The following CHCHD6 variants were observed in gnomAD, a reference collection of about 807,000 sequenced individuals.
CHCHD6 encodes the protein MICOS complex subunit MIC25.
A neutral mutation model predicts 32.3 loss-of-function variants in CHCHD6; 28 were observed. That is an observed-to-expected ratio of 0.87 (90% confidence interval 0.64 to 1.19). The LOEUF (loss-of-function observed/expected upper bound fraction) is 1.19, where lower values mean the gene tolerates loss of function less well. CHCHD6 is among the 50% of genes most tolerant of loss of function. The pLI is 0.00. For synonymous variants in CHCHD6, 122 were observed against 117.5 expected, an observed-to-expected ratio of 1.04 and a Z score of -0.25; for missense variants, 333 against 307.0, an observed-to-expected ratio of 1.08 and a Z score of -0.63.
chr3:126,956,216 G>T (rs2078781132), intron 6 of CHCHD6, among the ~76,000 whole-genome samples: 1 of 152,188 alleles, frequency 6.6e-6, no homozygotes, highest in Non-Finnish European at 1.5e-5. Context: ...TAAGAAACTT[G>T]AGGAATGGCT....
intron 5 of CHCHD6, among the ~76,000 whole-genome samples, chr3:126,871,956 T>G (rs1014857352): frequency 2.0e-5 from 3 of 152,120 alleles, no homozygotes; most frequent in African/African-American, 7.2e-5. Context: ...TGAACCACCG[T>G]GCCTGGACTC....
At chr3:126,936,419 C>T (rs1327873539) in intron 6 of CHCHD6, among the ~76,000 whole-genome samples, 1 of 152,226 alleles carries the variant, frequency 6.6e-6, no homozygotes, top group Non-Finnish European at 1.5e-5. Context: ...CAAATTGAGA[C>T]ATGCTGTAAG....
chr3:126,840,639 T>C (rs1460675696), intron 4 of CHCHD6, among the ~76,000 whole-genome samples: 1 of 152,164 alleles, frequency 6.6e-6, no homozygotes, highest in Non-Finnish European at 1.5e-5. Flanking sequence ...TTATCTAATA[T>C]GGTCATGGAT....
chr3:126,854,741 C>T (rs1013753263), intron 5 of CHCHD6: 7 of 152,452 alleles, frequency 4.6e-5, no homozygotes, highest in African/African-American at 1.2e-4. Context: ...AAACCTGTTT[C>T]GGGGAAAGTT....
intron 4 of CHCHD6, among the ~76,000 whole-genome samples, chr3:126,744,742 C>T (rs2107664966): frequency 6.6e-6 from 1 of 152,188 alleles, no homozygotes; most frequent in East Asian, 1.9e-4. Context: ...GGCTGGAGTG[C>T]AGTGGTGCGA....
chr3:126,706,458 C>T (rs1262605468), intron 1 of CHCHD6, among the ~76,000 whole-genome samples: 4 of 152,060 alleles, frequency 2.6e-5, no homozygotes, highest in African/African-American at 9.7e-5. Context: ...TGCAAGGCAG[C>T]CTGAAAATTT....
chr3:126,766,656 C>G, intron 4 of CHCHD6: 2 of 1,037,372 alleles, frequency 1.9e-6, no homozygotes, highest in Non-Finnish European at 3.0e-6. Context: ...ATGGTGCTCT[C>G]TCGGTGGCCA....
chr3:126,733,333 C>T (rs979637544), intron 4 of CHCHD6, 111 bp downstream of exon 4: 215 of 1,038,030 alleles, frequency 2.1e-4, no homozygotes, highest in Non-Finnish European at 1.0e-4. Context: ...TCAGGCTGCC[C>T]CTGGGATGTG....
intron 4 of CHCHD6, among the ~76,000 whole-genome samples, chr3:126,784,004 T>A (rs1938077870): frequency 6.6e-6 from 1 of 152,188 alleles, no homozygotes; most frequent in South Asian, 2.1e-4. Flanking sequence ...CCTTTTTTTG[T>A]ATCCCCACTG....
intron 4 of CHCHD6, among the ~76,000 whole-genome samples, chr3:126,736,021 TA>T (rs1157080457): frequency 5.3e-5 from 8 of 152,218 alleles, no homozygotes; most frequent in Non-Finnish European, 5.9e-5. Context: ...GGCAGTCAAC[TA>T]AATGCTGAGC....
intron 4 of CHCHD6, among the ~76,000 whole-genome samples, chr3:126,801,567 G>A (rs1379429265): frequency 1.3e-5 from 2 of 152,220 alleles, no homozygotes; most frequent in African/African-American, 2.4e-5. Context: ...GGAACCTCCA[G>A]CTGGGTGGAG....
chr3:126,704,412 G>A lies in CHCHD6; in HGVS notation c.87+13G>A, dbSNP rs758994949. ...GCAGGGTGTCCGGGTGAGCGGCGCC[G>A]CCTGGGCCGGGGCGGGCGTGGAGGC... is the stretch of plus-strand genomic sequence containing the variant. On this transcript the variant is annotated intron_variant, in intron 1 of 7. Transcript: ENST00000290913. 6.6e-5 allele frequency: 99 copies of A among 1,508,132 alleles called. No homozygotes were observed. Among genetic ancestry groups the A allele is most frequent in the Non-Finnish European group, 8.6e-5 (97 of 1,129,174 alleles). The allele number at this position is 1,508,132 out of a possible 1,614,324, so 93.4% of individuals were successfully genotyped here.
At chr3:126,787,433 G>A (rs1277744156) in intron 4 of CHCHD6, among the ~76,000 whole-genome samples, 8 of 151,654 alleles carry the variant, frequency 5.3e-5, no homozygotes, top group Middle Eastern at 3.4e-3. Flanking sequence ...CCATTTTCAC[G>A]ATATTGATTC....
intron 4 of CHCHD6, among the ~76,000 whole-genome samples, chr3:126,816,531 G>C (rs1939910677): frequency 6.6e-6 from 1 of 152,050 alleles, no homozygotes; most frequent in Non-Finnish European, 1.5e-5. Context: ...CAGAGGCTGT[G>C]AACCCTTTCA....
intron 4 of CHCHD6, among the ~76,000 whole-genome samples, chr3:126,762,095 A>G (rs1937180879): frequency 1.3e-5 from 2 of 152,154 alleles, no homozygotes; most frequent in Admixed American, 6.5e-5. Flanking sequence ...TAAAAGAACC[A>G]ACTTTTGACT....
intron 4 of CHCHD6, among the ~76,000 whole-genome samples, chr3:126,850,591 T>C (rs1478377820): frequency 6.6e-6 from 1 of 152,192 alleles, no homozygotes; most frequent in Non-Finnish European, 1.5e-5. Context: ...ACGCACCTCC[T>C]TGTCTCTGCT....
At chr3:126,768,313 C>G (rs567545712) in intron 4 of CHCHD6, among the ~76,000 whole-genome samples, 1 of 152,122 alleles carries the variant, frequency 6.6e-6, no homozygotes, top group African/African-American at 2.4e-5. Context: ...ACAGCTGTTC[C>G]CCCTTTGCCT....
intron 4 of CHCHD6, among the ~76,000 whole-genome samples, chr3:126,799,409 A>C (rs760266414): frequency 2.0e-5 from 3 of 152,040 alleles, no homozygotes; most frequent in Non-Finnish European, 2.9e-5. Flanking sequence ...TTTATTCAAC[A>C]CCCTTCTCAT....
intron 1 of CHCHD6, among the ~76,000 whole-genome samples, chr3:126,716,126 G>T (rs963920249): frequency 6.6e-6 from 1 of 152,160 alleles, no homozygotes; most frequent in African/African-American, 2.4e-5. Context: ...AGAGAAGACT[G>T]ACCACATCCC....
Sources: allele counts gnomAD v4.1 joint callset (sites outside exome capture counted in the v4.1 genomes callset), GRCh38; gene constraint gnomAD v4.1.1; transcripts MANE v1.5; gene names NCBI Gene and HGNC (gene_info 2026-07-23, HGNC 2026-07-21).